The following IGSF3 variants were observed in gnomAD, a reference collection of about 807,000 sequenced individuals.
IGSF3 encodes the protein glu-Trp-Ile EWI motif-containing protein 3.
In IGSF3, 23 loss-of-function variants were observed where a neutral mutation model predicts 114.4. The observed-to-expected ratio is 0.20, with a 90% CI of 0.14 to 0.28. IGSF3 has a LOEUF of 0.28. Ranked by LOEUF, IGSF3 falls within the 10% of genes least tolerant of loss-of-function variation. The pLI is 1.00. For missense variants in IGSF3, 1,172 were observed against 1,591.5 expected, an observed-to-expected ratio of 0.74 and a Z score of 4.48; for synonymous variants, 571 against 645.2, an observed-to-expected ratio of 0.88 and a Z score of 1.74.
intron 2 of IGSF3, among the ~76,000 whole-genome samples, chr1:116,653,634 T>A (rs1648727568): frequency 6.6e-6 from 1 of 152,242 alleles, no homozygotes. Context: ...CCAGTACTCC[T>A]TCCACCCTCT....
chr1:116,579,914 T>C lies in IGSF3; in HGVS notation c.2849-37A>G, dbSNP rs748432320. 3.3e-6 allele frequency: 5 copies of C among 1,527,748 alleles called. No individual in the cohort carries two copies. The highest frequency in any genetic ancestry group is 4.4e-6 in the Non-Finnish European group (5 of 1,140,664). The allele number at this position is 1,527,748 out of a possible 1,614,324, so 94.6% of individuals were successfully genotyped here. A position where few individuals can be genotyped will look rare whatever the true frequency, so the allele number is the denominator to read the frequency against. ...CAAGGGACAAACAGGGAAGGGGTTG[T>C]TTAAATTTATTTGCTCAAAATAAAC... On this transcript the variant is annotated intron_variant, in intron 9 of 10. Transcript: ENST00000369486. The surrounding 1 kb of genome is among the most constrained non-coding windows in gnomAD (Gnocchi z 6.4).
At position 116,588,869 on chromosome 1, in the gene IGSF3, C is replaced by T. The variant is rs749478965; in HGVS notation, c.2265G>A (p.Gln755=). The T allele has an allele frequency of 1.9e-6, 3 of 1,614,206 alleles. No homozygotes were observed. Among genetic ancestry groups the T allele is most frequent in the Non-Finnish European group, 2.5e-6 (3 of 1,180,028 alleles). Residue 755 remains glutamine (Q), a synonymous_variant, in exon 8 of 11, where the codon CAG becomes CAA. Coordinates refer to ENST00000369486, the MANE Select transcript of IGSF3 (RefSeq NM_001007237.3). The surrounding 1 kb of genome is among the most constrained non-coding windows in gnomAD (Gnocchi z 4.9). ...GGCCCCCCGACACATGCCTCTCAAA[C>T]TGGAGCCTGGCTCTCAGGCCCTCCT... The part of the protein sequence containing the change: ...AEEEGLRARL[Q]FERHVSGGLF...
chr1:116,606,085 A>C (rs1660782046), intron 5 of IGSF3, among the ~76,000 whole-genome samples: 1 of 152,262 alleles, frequency 6.6e-6, no homozygotes, highest in African/African-American at 2.4e-5. Context: ...GCCTGAGAAA[A>C]GGCAGCCGAC....
At chr1:116,608,663 C>T (rs1437639527) in intron 4 of IGSF3, among the ~76,000 whole-genome samples, 1 of 152,202 alleles carries the variant, frequency 6.6e-6, no homozygotes, top group African/African-American at 2.4e-5. Flanking sequence ...ACTAATATCA[C>T]TCAAATGGTA....
chr1:116,616,489 T>G lies in IGSF3; in HGVS notation c.44-32A>C, dbSNP rs3879756. 2.4e-5 allele frequency: 38 copies of G among 1,557,148 alleles called. No individual in the cohort carries two copies. The Admixed American group carries it at 4.2e-4, about 17-fold the overall frequency. The stretch of plus-strand genomic sequence containing the variant: ...GGGAGAGAAACACACACAACATGCT[T>G]ACTTACTTCTCAGACCAAAATGCAA... On this transcript the variant is annotated intron_variant, in intron 2 of 10. Coordinates refer to ENST00000369486, the MANE Select transcript of IGSF3 (RefSeq NM_001007237.3). This position sits in a 1 kb window ranked among gnomAD's most constrained non-coding sequence, Gnocchi z 6.6.
intron 2 of IGSF3, among the ~76,000 whole-genome samples, chr1:116,643,476 T>C (rs973526845): frequency 2.0e-5 from 3 of 152,278 alleles, no homozygotes; most frequent in African/African-American, 7.2e-5. Flanking sequence ...TCAGCAGCTC[T>C]GTCCTCCTTT....
Position 116,638,921 on chromosome 1 carries a change from C to A in IGSF3, c.44-22464G>T, listed in dbSNP as rs1188845482. Among the ~76,000 whole-genome samples, 3 of 152,170 alleles carry A rather than the reference C, an allele frequency of 2.0e-5. No homozygotes were observed. Among genetic ancestry groups the A allele is most frequent in the Non-Finnish European group, 4.4e-5 (3 of 68,050 alleles). On this transcript the variant is annotated intron_variant, in intron 2 of 10. Coordinates refer to ENST00000369486, the MANE Select transcript of IGSF3 (RefSeq NM_001007237.3). The surrounding 1 kb of genome is among the most constrained non-coding windows in gnomAD (Gnocchi z 4.1). ...CAGGGTCACGTGCAAAGTCTGCATG[C>A]ATGCTGAACCATTCCAGCTGCGCCA...
At chr1:116,613,395 C>T (rs570160068) in intron 4 of IGSF3, among the ~76,000 whole-genome samples, 2 of 152,270 alleles carry the variant, frequency 1.3e-5, no homozygotes, top group African/African-American at 4.8e-5. Flanking sequence ...CATCATTAAA[C>T]GGGGCAGCAA....
At chr1:116,622,391 G>GT (rs777515005) in intron 2 of IGSF3, among the ~76,000 whole-genome samples, 36 of 151,664 alleles carry the variant, frequency 2.4e-4, no homozygotes, top group Non-Finnish European at 3.4e-4. Flanking sequence ...ATAAATCTTT[G>GT]TAAGTACAAG....
rs1191630054 is a variant in IGSF3, at chr1:116,648,840, G to T, written c.43+17444C>A. On this transcript the variant is annotated intron_variant, in intron 2 of 10. Transcript: ENST00000369486. This position sits in a 1 kb window ranked among gnomAD's most constrained non-coding sequence, Gnocchi z 4.7. ...TCTGCAAGGCACTTGGCATTCTGGTGCCTGTGGAGAGAGCAGCCTTCTCAC... is the reference window on the plus strand; with the variant it reads ...TCTGCAAGGCACTTGGCATTCTGGTTCCTGTGGAGAGAGCAGCCTTCTCAC... Among the ~76,000 whole-genome samples the T allele has an allele frequency of 6.6e-6, 1 of 152,160 alleles. No individual in the cohort carries two copies. The highest frequency in any genetic ancestry group is 6.5e-5 in the Admixed American group (1 of 15,278).
At chr1:116,602,328 C>G (rs1478534193) in intron 6 of IGSF3, among the ~76,000 whole-genome samples, 1 of 151,148 alleles carries the variant, frequency 6.6e-6, no homozygotes, top group Non-Finnish European at 1.5e-5. Context: ...TAACTCTAAT[C>G]ACTCATTGGA....
chr1:116,665,717 G>A lies in IGSF3; in HGVS notation c.43+567C>T, dbSNP rs1346816504. Among the ~76,000 whole-genome samples, 1 of 152,084 alleles carries A rather than the reference G, an allele frequency of 6.6e-6. No homozygotes were observed. The highest frequency in any genetic ancestry group is 1.5e-5 in the Non-Finnish European group (1 of 68,006). On this transcript the variant is annotated intron_variant, in intron 2 of 10. Transcript: ENST00000369486. This position sits in a 1 kb window ranked among gnomAD's most constrained non-coding sequence, Gnocchi z 4.0. ...CAGGCTCTCCTTCTCCCAGAACTAC[G>A]ATCTAAGCTTCCTTGGTGAGGAGAC...
chr1:116,621,685 A>G (rs1270411144), intron 2 of IGSF3, among the ~76,000 whole-genome samples: 5 of 152,178 alleles, frequency 3.3e-5, no homozygotes, highest in African/African-American at 9.7e-5. Flanking sequence ...TTACATACAC[A>G]TGAGTGTGTT....
chr1:116,616,580 G>A lies in IGSF3; in HGVS notation c.44-123C>T. 1.3e-6 allele frequency: 1 copy of A among 757,518 alleles called. No homozygotes were observed. 46.9% of individuals were successfully genotyped at this position (757,518 alleles called of 1,614,324 possible). On this transcript the variant is annotated intron_variant, in intron 2 of 10. Coordinates refer to ENST00000369486, the MANE Select transcript of IGSF3 (RefSeq NM_001007237.3). This position sits in a 1 kb window ranked among gnomAD's most constrained non-coding sequence, Gnocchi z 6.6. The stretch of plus-strand genomic sequence containing the variant: ...ATGATAATAATATAAACAGCTTACT[G>A]GCCCTTTCAAAGGCGCTTTGTGATT...
At chr1:116,578,282 T>G (rs1659444069) in intron 10 of IGSF3, among the ~76,000 whole-genome samples, 1 of 152,204 alleles carries the variant, frequency 6.6e-6, no homozygotes, top group African/African-American at 2.4e-5. Flanking sequence ...AGCTTAATAA[T>G]TAGGGACATC....
chr1:116,602,783 C>A (rs969258119), intron 6 of IGSF3, among the ~76,000 whole-genome samples: 24 of 152,322 alleles, frequency 1.6e-4, no homozygotes, highest in African/African-American at 5.5e-4. Flanking sequence ...TAACAAGTTT[C>A]TTTCCCAGCA....
In IGSF3 at chr1:116,619,110, T is replaced by C. The variant is rs571586141; in HGVS notation, c.44-2653A>G. 3.3e-5 allele frequency among the ~76,000 whole-genome samples: 5 copies of C among 152,314 alleles called. No homozygotes were observed. In the South Asian group the frequency reaches 6.2e-4, roughly 19 times the overall value. ...TACCTACATGGTGCCAGCCAAGTGC[T>C]CAAATGAAATATCTTAAGGCTCTCA... On this transcript the variant is annotated intron_variant, in intron 2 of 10. Coordinates refer to ENST00000369486, the MANE Select transcript of IGSF3 (RefSeq NM_001007237.3).
At position 116,631,012 on chromosome 1, in the gene IGSF3, G is replaced by A. The variant is rs184223949; in HGVS notation, c.44-14555C>T. On this transcript the variant is annotated intron_variant, in intron 2 of 10. Transcript: ENST00000369486. ...GGGGCCAGGCCAGGGCAGGGATAGG[G>A]TGCTCTACTAAAGAGCATGGGCTTG... Among the ~76,000 whole-genome samples the A allele has an allele frequency of 2.0e-3, 305 of 152,220 alleles. 2 individuals carry two copies. The highest frequency in any genetic ancestry group is 7.0e-3 in the African/African-American group (292 of 41,536).
chr1:116,660,823 G>T (rs977885141), intron 2 of IGSF3, among the ~76,000 whole-genome samples: 5 of 152,152 alleles, frequency 3.3e-5, no homozygotes, highest in African/African-American at 1.2e-4. Context: ...ACACAAAAAA[G>T]GTTAAGAAGC....
Sources: gnomAD v4.1 joint callset for allele counts (sites outside exome capture counted in the v4.1 genomes callset) on GRCh38, gnomAD v4.1.1 for gene constraint, Gnocchi (gnomAD v3.1) non-coding constraint, MANE v1.5 for transcripts, NCBI Gene and HGNC (gene_info 2026-07-23, HGNC 2026-07-21) for gene names.